RAD51B: variants seen among roughly 807,000 people sequenced by gnomAD.
RAD51B encodes the protein RAD51 paralog B.
A neutral mutation model predicts 42.2 loss-of-function variants in RAD51B; 38 were observed. The observed-to-expected ratio is 0.90, with a 90% CI of 0.70 to 1.18. The LOEUF (loss-of-function observed/expected upper bound fraction) is 1.18, where lower values mean the gene tolerates loss of function less well. Ranked by LOEUF, RAD51B falls within the 50% of genes most tolerant of loss-of-function variation. The pLI, the probability that RAD51B is intolerant of heterozygous loss-of-function variation, is 0.00. For synonymous variants in RAD51B, 154 were observed against 145.2 expected (o/e 1.06, Z -0.43); for missense variants, 373 against 400.7 (o/e 0.93, Z 0.59).
intron 7 of RAD51B, among the ~76,000 whole-genome samples, chr14:68,252,833 C>T (rs1488773842): frequency 1.3e-5 from 2 of 152,006 alleles, no homozygotes; most frequent in Non-Finnish European, 2.9e-5. Context: ...GTAATCCTAG[C>T]GCTTTGGGAG....
chr14:68,537,448 G>A (rs893829183), intron 10 of RAD51B, among the ~76,000 whole-genome samples: 4 of 150,492 alleles, frequency 2.7e-5, no homozygotes, highest in East Asian at 2.0e-4. Context: ...GCAGTGAGCC[G>A]AGATCGCGCC....
chr14:67,873,839 C>G (rs2042630651), intron 5 of RAD51B, among the ~76,000 whole-genome samples: 1 of 143,986 alleles, frequency 6.9e-6, no homozygotes, highest in African/African-American at 2.6e-5. Context: ...ATCACAAGAA[C>G]AAAAAACCAG....
chr14:68,013,496 A>G (rs934434732), intron 7 of RAD51B, among the ~76,000 whole-genome samples: 5 of 152,182 alleles, frequency 3.3e-5, no homozygotes, highest in African/African-American at 9.6e-5. Context: ...ATCTGCCACA[A>G]TGATATTACT....
intron 7 of RAD51B, among the ~76,000 whole-genome samples, chr14:68,287,878 C>G (rs1225763538): frequency 6.6e-6 from 1 of 152,152 alleles, no homozygotes; most frequent in East Asian, 1.9e-4. Context: ...GCTGAATCCT[C>G]AGAACCATGT....
At chr14:68,300,835 C>T (rs2081716991) in intron 8 of RAD51B, among the ~76,000 whole-genome samples, 1 of 152,216 alleles carries the variant, frequency 6.6e-6, no homozygotes, top group Non-Finnish European at 1.5e-5. Context: ...CTAGCGCAGG[C>T]TGTCCCCATG....
intron 11 of RAD51B, among the ~76,000 whole-genome samples, chr14:68,665,293 C>CT (rs1308697498): frequency 6.6e-6 from 1 of 152,278 alleles, no homozygotes; most frequent in Non-Finnish European, 1.5e-5. Flanking sequence ...ATTGGGTACT[C>CT]TATCTCAGGC....
At chr14:68,624,379 A>G (rs1284692865) in intron 10 of RAD51B, among the ~76,000 whole-genome samples, 1 of 152,150 alleles carries the variant, frequency 6.6e-6, no homozygotes, top group Non-Finnish European at 1.5e-5. Context: ...AAAGGGGGCT[A>G]TGGTTCTGGG....
intron 3 of RAD51B, among the ~76,000 whole-genome samples, chr14:67,829,837 T>C (rs1490542494): frequency 6.6e-6 from 1 of 152,122 alleles, no homozygotes; most frequent in Non-Finnish European, 1.5e-5. Context: ...TCAGAAATAA[T>C]TAGTTAATTA....
At chr14:68,084,045 G>A (rs2076950863) in intron 7 of RAD51B, among the ~76,000 whole-genome samples, 1 of 152,150 alleles carries the variant, frequency 6.6e-6, no homozygotes, top group Non-Finnish European at 1.5e-5. Flanking sequence ...GGGTATTTTA[G>A]TATTGTGTTT....
intron 7 of RAD51B, among the ~76,000 whole-genome samples, chr14:67,907,143 A>C (rs1566952087): frequency 6.6e-6 from 1 of 151,614 alleles, no homozygotes; most frequent in Non-Finnish European, 1.5e-5. Context: ...TAGTCTACCT[A>C]GTGGTCTATC....
At chr14:68,579,257 C>T (rs963248001) in intron 10 of RAD51B, among the ~76,000 whole-genome samples, 1 of 152,178 alleles carries the variant, frequency 6.6e-6, no homozygotes, top group African/African-American at 2.4e-5. Flanking sequence ...TCACCAAACT[C>T]CTCTCTCCCT....
intron 4 of RAD51B, among the ~76,000 whole-genome samples, chr14:67,847,151 T>A (rs1427302755): frequency 6.6e-6 from 1 of 152,044 alleles, no homozygotes; most frequent in African/African-American, 2.4e-5. Context: ...CCTCCCTCCA[T>A]CCATTCTCAT....
At chr14:68,551,819 G>A (rs1044208689) in intron 10 of RAD51B, among the ~76,000 whole-genome samples, 1 of 152,208 alleles carries the variant, frequency 6.6e-6, no homozygotes, top group Non-Finnish European at 1.5e-5. Context: ...ACCAAAGAGT[G>A]TTACCATCAG....
chr14:68,337,145 G>A (rs2082472625), intron 8 of RAD51B, among the ~76,000 whole-genome samples: 1 of 152,094 alleles, frequency 6.6e-6, no homozygotes, highest in African/African-American at 2.4e-5. Flanking sequence ...TCCTGTGGAG[G>A]GGAGAATTTC....
intron 7 of RAD51B, among the ~76,000 whole-genome samples, chr14:67,944,569 A>G (rs1308852259): frequency 6.6e-6 from 1 of 152,164 alleles, no homozygotes; most frequent in Admixed American, 6.5e-5. Flanking sequence ...AAAGAGTAAC[A>G]TAGTGTTTTT....
At chr14:67,995,506 A>G (rs2075365563) in intron 7 of RAD51B, among the ~76,000 whole-genome samples, 1 of 152,058 alleles carries the variant, frequency 6.6e-6, no homozygotes, top group Admixed American at 6.5e-5. Flanking sequence ...TCACACATTT[A>G]TCCTTGCTCC....
At chr14:68,337,053 A>G (rs978164176) in intron 8 of RAD51B, among the ~76,000 whole-genome samples, 1 of 152,172 alleles carries the variant, frequency 6.6e-6, no homozygotes, top group Non-Finnish European at 1.5e-5. Flanking sequence ...TTTCATTTGT[A>G]GTTTACTTAC....
intron 10 of RAD51B, among the ~76,000 whole-genome samples, chr14:68,604,675 A>G (rs759491180): frequency 1.3e-5 from 2 of 152,112 alleles, no homozygotes; most frequent in African/African-American, 2.4e-5. Flanking sequence ...CCTCTAAGTC[A>G]TCGAAGGTCA....
intron 8 of RAD51B, among the ~76,000 whole-genome samples, chr14:68,383,292 C>T (rs1384763981): frequency 3.3e-5 from 5 of 152,192 alleles, no homozygotes; most frequent in Non-Finnish European, 7.3e-5. Flanking sequence ...TTGTTCTCAA[C>T]CCAGGGTACT....
Sources: gnomAD v4.1 joint callset for allele counts (sites outside exome capture counted in the v4.1 genomes callset) on GRCh38, gnomAD v4.1.1 for gene constraint, MANE v1.5 for transcripts, NCBI Gene and HGNC (gene_info 2026-07-23, HGNC 2026-07-21) for gene names.